Variants in BCAS4 observed in about 807,000 individuals in gnomAD.
BCAS4 encodes the protein breast carcinoma amplified sequence 4, also known as breast carcinoma-amplified sequence 4.
BCAS4 carries 9 observed loss-of-function variants against 15.7 expected under a neutral mutation model. That is an observed-to-expected ratio of 0.57 (90% CI 0.34 to 1.00). The LOEUF is 1.00. BCAS4 is among the 50% of genes least tolerant of loss of function. BCAS4 has a pLI of 0.02. For missense variants in BCAS4, 225 were observed against 239.1 expected (o/e 0.94, Z 0.39); for synonymous variants, 101 against 99.5 (o/e 1.02, Z -0.09).
chr20:50,865,361 C>T (rs750450689), intron 4 of BCAS4, among the ~76,000 whole-genome samples: 18 of 152,078 alleles, frequency 1.2e-4, no homozygotes, highest in Admixed American at 3.9e-4. Flanking sequence ...GGAGCTGGTG[C>T]CCCATGGAGC....
At position 50,841,851 on chromosome 20, in the gene BCAS4, A is replaced by G. The variant is rs770203707; in HGVS notation, c.350A>G (p.Gln117Arg). 3.1e-6 allele frequency: 5 copies of G among 1,611,572 alleles called. No homozygotes were observed. In the Admixed American group the frequency reaches 6.7e-5, roughly 22 times the overall value. ...GAGCGGGACCATGGGGCCTTCCCTC[A>G]GGCCCTGCGGAGGTGGCTGGGATCC... Reference protein sequence around the residue: ...QAERDHGAFPQALRRWLGSAG... With the variant: ...QAERDHGAFPRALRRWLGSAG... The change falls in exon 4 of 5, where the codon CAG becomes CGG. Residue 117 changes from glutamine to arginine, a missense_variant. Gln to Arg is a conservative substitution (Grantham distance 43, BLOSUM62 1). Transcript: ENST00000371608.
chr20:50,809,408 C>A (rs1344814398), intron 1 of BCAS4, among the ~76,000 whole-genome samples: 2 of 152,038 alleles, frequency 1.3e-5, no homozygotes, highest in Non-Finnish European at 2.9e-5. Flanking sequence ...GTGGTTTCAC[C>A]ATGTTGGCCA....
At chr20:50,816,791 A>ATTTTTTTTTTTT (rs35600563) in intron 1 of BCAS4, among the ~76,000 whole-genome samples, 5 of 80,926 alleles carry the variant, frequency 6.2e-5, no homozygotes, top group African/African-American at 1.9e-4. Context: ...TGCCTGGCTA[A>ATTTTTTTTTTTT]TTTTTTTTTT....
At chr20:50,796,451 C>CTATA (rs2087858459) in intron 1 of BCAS4, among the ~76,000 whole-genome samples, 1 of 62,704 alleles carries the variant, frequency 1.6e-5, no homozygotes, top group Non-Finnish European at 2.9e-5. Flanking sequence ...TTCTTTTTCT[C>CTATA]CATATATATA....
intron 1 of BCAS4, among the ~76,000 whole-genome samples, chr20:50,811,568 A>G (rs1254428318): frequency 6.6e-6 from 1 of 151,670 alleles, no homozygotes; most frequent in African/African-American, 2.4e-5. Context: ...AGGGGCAATC[A>G]CGAATCTATT....
downstream of BCAS4, chr20:50,878,188 G>A (rs144092201): frequency 0.055 from 8,298 of 151,552 alleles, 733 homozygotes; most frequent in African/African-American, 0.19. Flanking sequence ...CTTTTTTTTC[G>A]AGATGGAGTC....
chr20:50,810,768 T>G (rs2088051619), intron 1 of BCAS4, among the ~76,000 whole-genome samples: 1 of 152,008 alleles, frequency 6.6e-6, no homozygotes, highest in Non-Finnish European at 1.5e-5. Flanking sequence ...TTTTTTGTAT[T>G]TTTAGTAGAG....
At chr20:50,864,926 T>A (rs538666976) in intron 4 of BCAS4, among the ~76,000 whole-genome samples, 50 of 151,636 alleles carry the variant, frequency 3.3e-4, no homozygotes, top group African/African-American at 1.2e-3. Context: ...AAACCCCGTC[T>A]CTACTAAAAA....
chr20:50,854,345 G>A (rs115758134), intron 4 of BCAS4, among the ~76,000 whole-genome samples: 2,448 of 152,184 alleles, frequency 0.016, 49 homozygotes, highest in African/African-American at 0.056. Flanking sequence ...CAGCTTCTAT[G>A]TAGCAGTATT....
chr20:50,848,126 C>A (rs1291816086), intron 4 of BCAS4, among the ~76,000 whole-genome samples: 1 of 151,606 alleles, frequency 6.6e-6, no homozygotes, highest in Non-Finnish European at 1.5e-5. Flanking sequence ...CATGGTAGTG[C>A]GTGCCTGTGG....
intron 4 of BCAS4, among the ~76,000 whole-genome samples, chr20:50,869,090 C>T (rs989153471): frequency 3.3e-5 from 5 of 152,248 alleles, no homozygotes; most frequent in Non-Finnish European, 5.9e-5. Context: ...GCGTTATCCC[C>T]GTTTTGTAGA....
rs1197016310 is a variant in BCAS4 at position 50,876,765 on chromosome 20, A to G, written c.*157A>G. The G allele has an allele frequency of 1.0e-6, 1 of 974,292 alleles. No homozygotes were observed. The highest frequency in any genetic ancestry group is 3.6e-5 in the East Asian group (1 of 27,860). 60.4% of individuals were successfully genotyped at this position (974,292 alleles called of 1,614,324 possible). A position where few individuals can be genotyped will look rare whatever the true frequency, so the allele number is the denominator to read the frequency against. On this transcript the variant is annotated 3_prime_UTR_variant, in exon 5 of 5. Transcript: ENST00000371608. ...CACTATGTTGTCCAGACTGATCTCA[A>G]ACTCCTGGGCTCAAGTGATCCACCC...
At chr20:50,794,996 G>T, upstream of BCAS4, 1 of 1,321,788 alleles carries the variant, frequency 7.6e-7, no homozygotes. Context: ...CGCGGGGCAT[G>T]CAGCGGACCG....
At chr20:50,806,103 AG>A (rs1373608255) in intron 1 of BCAS4, among the ~76,000 whole-genome samples, 17 of 152,152 alleles carry the variant, frequency 1.1e-4, no homozygotes, top group Admixed American at 1.0e-3. Context: ...AGAGCCTAGT[AG>A]GGTCCTTTTA....
intron 1 of BCAS4, among the ~76,000 whole-genome samples, chr20:50,816,960 A>T (rs113590898): frequency 7.2e-5 from 11 of 151,744 alleles, no homozygotes; most frequent in African/African-American, 2.7e-4. Flanking sequence ...GTGTGCCACC[A>T]CACCCGGCTA....
intron 4 of BCAS4, among the ~76,000 whole-genome samples, chr20:50,865,779 G>A (rs897126408): frequency 2.6e-5 from 4 of 152,196 alleles, no homozygotes; most frequent in South Asian, 2.1e-4. Context: ...GGAAGGGGCC[G>A]GTGCCCACAC....
chr20:50,844,750 C>G (rs1434912949), intron 4 of BCAS4, among the ~76,000 whole-genome samples: 1 of 85,050 alleles, frequency 1.2e-5, no homozygotes, highest in Non-Finnish European at 2.1e-5. Context: ...ATGTGGCATC[C>G]CCCCCCGGGG....
chr20:50,870,284 C>T (rs946494004), intron 4 of BCAS4, among the ~76,000 whole-genome samples: 2 of 152,162 alleles, frequency 1.3e-5, no homozygotes, highest in Non-Finnish European at 2.9e-5. Flanking sequence ...GAGGGAGATG[C>T]GGGTGGGCCC....
chr20:50,818,382 C>T, intron 2 of BCAS4, 100 bp downstream of exon 2: 1 of 1,166,048 alleles, frequency 8.6e-7, no homozygotes, highest in Non-Finnish European at 1.2e-6. Flanking sequence ...AGTTAGCAAC[C>T]AGGAGGAATG....
Sources: gnomAD v4.1 joint callset for allele counts (sites outside exome capture counted in the v4.1 genomes callset) on GRCh38, gnomAD v4.1.1 for gene constraint, MANE v1.5 for transcripts, NCBI Gene and HGNC (gene_info 2026-07-23, HGNC 2026-07-21) for gene names.